PATJ: variants seen among roughly 807,000 people sequenced by gnomAD.
PATJ encodes the protein inaD-like protein.
PATJ carries 190 observed loss-of-function variants against 224.9 expected under a neutral mutation model. That is an observed-to-expected ratio of 0.84 (90% CI 0.75 to 0.95). The LOEUF (loss-of-function observed/expected upper bound fraction) is 0.95, where lower values mean the gene tolerates loss of function less well. PATJ is among the 40% of genes least tolerant of loss of function. PATJ has a pLI of 0.00. For synonymous variants in PATJ, 769 were observed against 820.3 expected, an observed-to-expected ratio of 0.94 and a Z score of 1.07; for missense variants, 2,121 against 2,270.3, an observed-to-expected ratio of 0.93 and a Z score of 1.34.
chr1:62,045,163 G>A (rs1352764187), intron 30 of PATJ, among the ~76,000 whole-genome samples: 1 of 152,018 alleles, frequency 6.6e-6, no homozygotes, highest in East Asian at 1.9e-4. Context: ...GGAGGTTGCA[G>A]TGAGCTGAGA....
intron 33 of PATJ, among the ~76,000 whole-genome samples, chr1:62,105,526 A>ACCGCAAGCCACTGACC: frequency 6.6e-6 from 1 of 152,300 alleles, no homozygotes; most frequent in South Asian, 2.1e-4. Flanking sequence ...CGCAGGGATC[A>ACCGCAAGCCACTGACC]CCGCAAGCCA....
At chr1:61,865,664 A>G (rs1557780440) in intron 20 of PATJ, 4 of 152,162 alleles carry the variant, frequency 2.6e-5, no homozygotes, top group Non-Finnish European at 5.9e-5. Flanking sequence ...TTTAAAAAAT[A>G]TTTTTGTTTT....
Position 62,148,120 on chromosome 1 carries a change from T to TAAAA in PATJ, c.5272-164_5272-163insAAAA, listed in dbSNP as rs1558235712. Among the ~76,000 whole-genome samples, 34 of 108,482 alleles carry TAAAA rather than the reference T, an allele frequency of 3.1e-4. 4 individuals are homozygous for TAAAA. The highest frequency in any genetic ancestry group is 7.1e-4 in the African/African-American group (21 of 29,416). The allele number at this position is 108,482 out of a possible 152,430, so 71.2% of individuals were successfully genotyped here. ...TGAGCAACAGAGTGAGACACTGTCT[T>TAAAA]TAAAAAAAAAAAAAAAAAAAAGTTT... On this transcript the variant is annotated intron_variant, in intron 41 of 43. Transcript: ENST00000642238.
Position 61,902,364 on chromosome 1 carries a change from T to C in PATJ, c.3381+905T>C, listed in dbSNP as rs1671302687. Among the ~76,000 whole-genome samples, 3 of 152,082 alleles carry C rather than the reference T, an allele frequency of 2.0e-5. No homozygotes were observed. In the South Asian group the frequency reaches 6.2e-4, roughly 32 times the overall value. Reference sequence around the variant, plus strand: ...TAATCTGCTTGTTCTTGATTCATTCTTTATGATGCTAACTGTTAATCATGG... The same window carrying C: ...TAATCTGCTTGTTCTTGATTCATTCCTTATGATGCTAACTGTTAATCATGG... On this transcript the variant is annotated intron_variant, in intron 24 of 43. Transcript: ENST00000642238.
intron 28 of PATJ, among the ~76,000 whole-genome samples, chr1:62,004,509 C>T (rs545275938): frequency 4.1e-4 from 62 of 152,086 alleles, no homozygotes; most frequent in Non-Finnish European, 7.4e-4. Context: ...AGTAAATACC[C>T]TTAGGGAATG....
At chr1:61,819,289 C>A (rs974956944) in intron 14 of PATJ, among the ~76,000 whole-genome samples, 1 of 152,152 alleles carries the variant, frequency 6.6e-6, no homozygotes, top group Non-Finnish European at 1.5e-5. Context: ...TTTCACACAA[C>A]GGTCACACAT....
At chr1:62,146,274 T>C (rs1668029061) in intron 41 of PATJ, among the ~76,000 whole-genome samples, 1 of 152,018 alleles carries the variant, frequency 6.6e-6, no homozygotes, top group Admixed American at 6.6e-5. Flanking sequence ...GAGGCAGAGA[T>C]GTCACAGGAC....
At chr1:62,001,660 A>G (rs368443077) in intron 28 of PATJ, among the ~76,000 whole-genome samples, 4,760 of 150,792 alleles carry the variant, frequency 0.032, 194 homozygotes, top group African/African-American at 0.09. Flanking sequence ...TTGACTTGGC[A>G]ATGCGGGCTC....
At position 61,827,511 on chromosome 1, in the gene PATJ, T is replaced by C; in HGVS notation, c.1908T>C (p.Cys636=). 2 of 1,614,092 alleles carry C rather than the reference T, an allele frequency of 1.2e-6. No individual in the cohort carries two copies. Among genetic ancestry groups the C allele is most frequent in the Non-Finnish European group, 1.7e-6 (2 of 1,180,014 alleles). The part of the protein sequence containing the change: ...EVPPPFTLVC[C]RRLFDDEASV... ...CACCCCCTTTTACTTTGGTTTGCTG[T>C]CGGAGGTTGTTTGATGATGAAGCTT... Residue 636 remains cysteine (C), a synonymous_variant, in exon 16 of 44, where the codon TGT becomes TGC. Coordinates refer to ENST00000642238, the MANE Select transcript of PATJ (RefSeq NM_001350145.3).
At chr1:61,757,896 C>G (rs1645741645) in intron 1 of PATJ, among the ~76,000 whole-genome samples, 1 of 152,098 alleles carries the variant, frequency 6.6e-6, no homozygotes, top group African/African-American at 2.4e-5. Flanking sequence ...AAGTGATCCT[C>G]CCACCTCAGC....
intron 20 of PATJ, among the ~76,000 whole-genome samples, chr1:61,871,559 T>TATA (rs1557794110): frequency 0.011 from 154 of 13,720 alleles, 2 homozygotes; most frequent in East Asian, 0.11. Context: ...ATATATATAT[T>TATA]TTTTTTTTTT....
intron 27 of PATJ, among the ~76,000 whole-genome samples, chr1:61,965,121 CAA>C (rs34267345): frequency 3.0e-3 from 161 of 54,180 alleles, no homozygotes; most frequent in East Asian, 0.023. Context: ...GACTCTGTCT[CAA>C]AAAAAAAAAA....
intron 22 of PATJ, among the ~76,000 whole-genome samples, chr1:61,884,756 T>G (rs1485317754): frequency 6.6e-6 from 1 of 152,172 alleles, no homozygotes; most frequent in Non-Finnish European, 1.5e-5. Flanking sequence ...CCTTGACTCA[T>G]TACATGTTGA....
rs540834431 is a variant in PATJ, at chr1:62,086,961, C to T, written c.4377+2313C>T. ...AGTGTGTTACAATGCTAACCTCCGTCGTCCGTGGACAGCGGTACGTTATCA... is the reference window on the plus strand; with the variant it reads ...AGTGTGTTACAATGCTAACCTCCGTTGTCCGTGGACAGCGGTACGTTATCA... On this transcript the variant is annotated intron_variant, in intron 33 of 43. Transcript: ENST00000642238. This position sits in a 1 kb window ranked among gnomAD's most constrained non-coding sequence, Gnocchi z 4.0. 2.6e-5 allele frequency among the ~76,000 whole-genome samples: 4 copies of T among 152,252 alleles called. No individual in the cohort carries two copies. The East Asian group carries it at 5.8e-4, about 22-fold the overall frequency.
chr1:61,989,245 A>G (rs949995619), intron 27 of PATJ, among the ~76,000 whole-genome samples: 1 of 152,222 alleles, frequency 6.6e-6, no homozygotes, highest in East Asian at 1.9e-4. Flanking sequence ...CCTATAAACT[A>G]TGAGCCGCTA....
At chr1:62,126,447 T>C (rs959963635) in intron 39 of PATJ, among the ~76,000 whole-genome samples, 1 of 152,234 alleles carries the variant, frequency 6.6e-6, no homozygotes, top group East Asian at 1.9e-4. Flanking sequence ...GACATCTTGA[T>C]TGTAACCAGC....
At chr1:62,158,998 C>G (rs939368629) in intron 43 of PATJ, among the ~76,000 whole-genome samples, 4 of 152,084 alleles carry the variant, frequency 2.6e-5, no homozygotes, top group African/African-American at 9.7e-5. Context: ...AGATAAATAG[C>G]TTAACATAGT....
rs920226946 is a variant in PATJ at position 61,864,741 on chromosome 1, C to T, written c.2835+108C>T. ...TTGTTTGTTTTTAAATGGGCCTTTC[C>T]GTAAGTCGTCACTGTTTACAAGATG... is the stretch of plus-strand genomic sequence containing the variant. On this transcript the variant is annotated intron_variant, in intron 20 of 43. Transcript: ENST00000642238. 3.7e-5 allele frequency: 35 copies of T among 938,438 alleles called. No individual in the cohort carries two copies. In the East Asian group the frequency reaches 6.4e-4, roughly 17 times the overall value. The allele number at this position is 938,438 out of a possible 1,614,324, so 58.1% of individuals were successfully genotyped here.
chr1:62,046,573 G>C (rs1415396593), intron 30 of PATJ, among the ~76,000 whole-genome samples: 2 of 152,200 alleles, frequency 1.3e-5, no homozygotes, highest in East Asian at 3.8e-4. Context: ...AAATGAATCA[G>C]GCAGTGGGAA....
Sources: gnomAD v4.1 joint callset for allele counts (sites outside exome capture counted in the v4.1 genomes callset) on GRCh38, gnomAD v4.1.1 for gene constraint, Gnocchi (gnomAD v3.1) non-coding constraint, MANE v1.5 for transcripts, NCBI Gene and HGNC (gene_info 2026-07-23, HGNC 2026-07-21) for gene names.